The following RAB38 variants were observed in gnomAD, a reference collection of about 807,000 sequenced individuals.
RAB38 encodes ras-related protein Rab-38.
RAB38 carries 15 observed loss-of-function variants against 18.4 expected under a neutral mutation model. The observed-to-expected ratio is 0.82, with a 90% CI of 0.55 to 1.26. The LOEUF is 1.26. RAB38 is among the 50% of genes most tolerant of loss of function. The pLI, the probability that RAB38 is intolerant of heterozygous loss-of-function variation, is 0.00. For missense variants in RAB38, 294 were observed against 267.4 expected (o/e 1.10, Z -0.69); for synonymous variants, 101 against 104.4 (o/e 0.97, Z 0.20).
At chr11:88,069,913 G>A in the RAB38 span, among the ~76,000 whole-genome samples, 1 of 151,850 alleles carries the variant, frequency 6.6e-6, no homozygotes, top group Non-Finnish European at 1.5e-5. Flanking sequence ...GTCTAGCTCA[G>A]GGATTGTAAA....
chr11:87,817,394 G>T, the RAB38 span: 3 of 152,072 alleles, frequency 2.0e-5, no homozygotes, highest in Admixed American at 1.3e-4. Flanking sequence ...TAGTTTTATA[G>T]ATTAAAGAAA....
chr11:87,918,376 T>C, the RAB38 span, among the ~76,000 whole-genome samples: 2,442 of 152,266 alleles, frequency 0.016, 28 homozygotes, highest in Non-Finnish European at 0.025. Flanking sequence ...TTCTACATAC[T>C]GATTTCAAAT....
chr11:88,129,884 T>C (rs948374229), intron 2 of RAB38, among the ~76,000 whole-genome samples: 1 of 152,168 alleles, frequency 6.6e-6, no homozygotes, highest in Admixed American at 6.5e-5. Flanking sequence ...ATTTTCTAAG[T>C]TCTCTATAAA....
At chr11:88,130,167 G>A (rs1383632562) in intron 2 of RAB38, among the ~76,000 whole-genome samples, 1 of 152,108 alleles carries the variant, frequency 6.6e-6, no homozygotes, top group Non-Finnish European at 1.5e-5. Flanking sequence ...AGGAAGCTCA[G>A]AAACAGAAAT....
chr11:87,850,789 G>C, the RAB38 span, among the ~76,000 whole-genome samples: 1 of 151,728 alleles, frequency 6.6e-6, no homozygotes, highest in African/African-American at 2.4e-5. Context: ...CTCAGTCTGA[G>C]ACCCATCAAA....
chr11:87,804,126 G>T, the RAB38 span, among the ~76,000 whole-genome samples: 1 of 152,018 alleles, frequency 6.6e-6, no homozygotes, highest in Non-Finnish European at 1.5e-5. Flanking sequence ...CAAATTTCTT[G>T]GTATATTTAC....
chr11:87,956,872 T>A, the RAB38 span, among the ~76,000 whole-genome samples: 2 of 151,802 alleles, frequency 1.3e-5, no homozygotes, highest in Non-Finnish European at 2.9e-5. Context: ...CTGGGTTCCC[T>A]CCCCCCACCT....
chr11:88,166,894 T>C (rs947561813), intron 1 of RAB38: 1 of 152,176 alleles, frequency 6.6e-6, no homozygotes, highest in Non-Finnish European at 1.5e-5. Context: ...ATTGAAGAAA[T>C]GTTTAGATCA....
chr11:87,970,780 C>T, the RAB38 span, among the ~76,000 whole-genome samples: 4 of 152,126 alleles, frequency 2.6e-5, no homozygotes, highest in South Asian at 4.1e-4. Flanking sequence ...GCAGAGCTGA[C>T]GGGTGAAGAG....
At chr11:88,112,790 C>CAA (rs1047257843), downstream of RAB38, among the ~76,000 whole-genome samples, 3 of 111,642 alleles carry the variant, frequency 2.7e-5, no homozygotes, top group South Asian at 2.7e-4. Context: ...ACAACAACAA[C>CAA]AAAATATATA....
intron 2 of RAB38, among the ~76,000 whole-genome samples, chr11:88,149,103 T>C (rs1943030043): frequency 6.6e-6 from 1 of 152,178 alleles, no homozygotes; most frequent in South Asian, 2.1e-4. Context: ...CTCCACCTCC[T>C]GCCACTTTTC....
the RAB38 span, among the ~76,000 whole-genome samples, chr11:87,849,132 G>A: frequency 1.3e-5 from 2 of 152,160 alleles, no homozygotes; most frequent in Non-Finnish European, 2.9e-5. Context: ...ACCATAGAGC[G>A]TTGTTTCTGA....
At chr11:88,021,343 T>G in the RAB38 span, among the ~76,000 whole-genome samples, 1 of 151,760 alleles carries the variant, frequency 6.6e-6, no homozygotes, top group Non-Finnish European at 1.5e-5. Flanking sequence ...CTAGATGAAA[T>G]AGATAAATTC....
the RAB38 span, among the ~76,000 whole-genome samples, chr11:87,919,610 G>A: frequency 6.6e-6 from 1 of 151,818 alleles, no homozygotes. Flanking sequence ...AGTAATGCCA[G>A]CTTTCTAAAA....
the RAB38 span, among the ~76,000 whole-genome samples, chr11:88,004,002 A>C: frequency 7.9e-6 from 1 of 126,946 alleles, no homozygotes; most frequent in Non-Finnish European, 1.6e-5. Context: ...TATATATATA[A>C]AAAAGGTATA....
At chr11:88,045,701 C>G in the RAB38 span, among the ~76,000 whole-genome samples, 8 of 152,284 alleles carry the variant, frequency 5.3e-5, no homozygotes, top group Non-Finnish European at 1.2e-4. Flanking sequence ...CCTGGACCAT[C>G]ACAGATGCTT....
chr11:87,850,731 CACACACACACACACAT>C, the RAB38 span, among the ~76,000 whole-genome samples: 4 of 151,754 alleles, frequency 2.6e-5, no homozygotes, highest in East Asian at 1.9e-4. Flanking sequence ...CACACACACA[CACACACACACACACAT>C]ACACACACAC....
chr11:88,071,763 A>C, the RAB38 span, among the ~76,000 whole-genome samples: 1 of 152,194 alleles, frequency 6.6e-6, no homozygotes, highest in Non-Finnish European at 1.5e-5. Context: ...TATGATACAC[A>C]AATGCAGCAA....
chr11:88,055,972 T>G, the RAB38 span, among the ~76,000 whole-genome samples: 1 of 152,164 alleles, frequency 6.6e-6, no homozygotes, highest in Admixed American at 6.5e-5. Context: ...AGGGCCCTCA[T>G]ACTGCTACTT....
Sources: allele counts gnomAD v4.1 joint callset (sites outside exome capture counted in the v4.1 genomes callset), GRCh38; gene constraint gnomAD v4.1.1; transcripts MANE v1.5; gene names NCBI Gene and HGNC (gene_info 2026-07-23, HGNC 2026-07-21).